SLC44A1: variants seen among roughly 807,000 people sequenced by gnomAD.
SLC44A1 encodes the protein solute carrier family 44 member 1.
SLC44A1 carries 26 observed loss-of-function variants against 79.3 expected under a neutral mutation model. The observed-to-expected ratio is 0.33, with a 90% CI of 0.24 to 0.46. SLC44A1 has a LOEUF of 0.46. SLC44A1 is among the 20% of genes least tolerant of loss of function. The probability of loss-of-function intolerance (pLI) is 1.00; values close to 1 mark genes in which losing one functional copy is unlikely to be tolerated. For synonymous variants in SLC44A1, 263 were observed against 286.2 expected, an observed-to-expected ratio of 0.92 and a Z score of 0.82; for missense variants, 688 against 798.1, an observed-to-expected ratio of 0.86 and a Z score of 1.66.
intron 4 of SLC44A1, among the ~76,000 whole-genome samples, chr9:105,344,466 G>T (rs1282391090): frequency 6.6e-6 from 1 of 152,118 alleles, no homozygotes; most frequent in Non-Finnish European, 1.5e-5. Flanking sequence ...TAAACATCTT[G>T]CAATGCACAG....
chr9:105,424,859 A>T (rs907956156), intron 15 of SLC44A1, among the ~76,000 whole-genome samples: 1 of 151,454 alleles, frequency 6.6e-6, no homozygotes, highest in Non-Finnish European at 1.5e-5. Flanking sequence ...AGGCAGGAGA[A>T]TTGCTTGAAC....
chr9:105,278,347 C>G (rs1290885330), intron 1 of SLC44A1, among the ~76,000 whole-genome samples: 1 of 152,174 alleles, frequency 6.6e-6, no homozygotes, highest in Admixed American at 6.5e-5. Flanking sequence ...CTCCCGGGTT[C>G]ACACCATTCT....
chr9:105,259,627 C>T (rs1184352104), intron 1 of SLC44A1, among the ~76,000 whole-genome samples: 1 of 152,192 alleles, frequency 6.6e-6, no homozygotes, highest in Non-Finnish European at 1.5e-5. Flanking sequence ...ATCTATTTTG[C>T]ATGTGGTTTT....
chr9:105,383,362 A>G lies in SLC44A1; in HGVS notation c.1869+3A>G. On this transcript the variant is annotated splice_donor_region_variant and intron_variant, in intron 14 of 15. Transcript: ENST00000374720. ...TCTATATGGATAAAGTGCTGATGGTAAGTACTTCAAATGCCGTTTCCTATT... is the reference window on the plus strand; with the variant it reads ...TCTATATGGATAAAGTGCTGATGGTGAGTACTTCAAATGCCGTTTCCTATT... 1.3e-6 allele frequency: 2 copies of G among 1,483,418 alleles called. No homozygotes were observed. Among genetic ancestry groups the G allele is most frequent in the Non-Finnish European group, 1.9e-6 (2 of 1,060,990 alleles). 91.9% of individuals were successfully genotyped at this position (1,483,418 alleles called of 1,614,324 possible).
chr9:105,292,006 C>T (rs1207454405), intron 1 of SLC44A1, among the ~76,000 whole-genome samples: 1 of 152,164 alleles, frequency 6.6e-6, no homozygotes, highest in African/African-American at 2.4e-5. Context: ...TGTGAAATGG[C>T]AGCCCAAATG....
At chr9:105,354,432 A>G (rs578169027) in intron 5 of SLC44A1, among the ~76,000 whole-genome samples, 1 of 152,296 alleles carries the variant, frequency 6.6e-6, no homozygotes, top group South Asian at 2.1e-4. Flanking sequence ...ATCTTTTTGC[A>G]TCATTAGTGA....
chr9:105,274,492 C>T (rs1830154919), intron 1 of SLC44A1, among the ~76,000 whole-genome samples: 1 of 152,166 alleles, frequency 6.6e-6, no homozygotes, highest in Non-Finnish European at 1.5e-5. Flanking sequence ...AAGAAGCCTT[C>T]CTCTTCAGTC....
Position 105,322,653 on chromosome 9 carries a change from A to G in SLC44A1, c.269+12787A>G, listed in dbSNP as rs140461229. Among the ~76,000 whole-genome samples the G allele has an allele frequency of 2.6e-5, 4 of 152,320 alleles. No homozygotes were observed. In the East Asian group the frequency reaches 5.8e-4, roughly 22 times the overall value. On this transcript the variant is annotated intron_variant, in intron 3 of 15. Transcript: ENST00000374720. ...GAACAGTGATTGGAACAAAATAGAAACAGCAGAAATAAATACTGTGAAAGT... is the reference window on the plus strand; with the variant it reads ...GAACAGTGATTGGAACAAAATAGAAGCAGCAGAAATAAATACTGTGAAAGT...
intron 3 of SLC44A1, among the ~76,000 whole-genome samples, chr9:105,316,070 T>C (rs1831316117): frequency 6.6e-6 from 1 of 152,250 alleles, no homozygotes; most frequent in South Asian, 2.1e-4. Flanking sequence ...GTGAACTCTG[T>C]TTCCTGGCCA....
In SLC44A1 at chr9:105,383,176, G is replaced by T. The variant is rs1416287926; in HGVS notation, c.1686G>T (p.Gln562His). 1.2e-6 allele frequency: 2 copies of T among 1,614,048 alleles called. No homozygotes were observed. The highest frequency in any genetic ancestry group is 2.7e-5 in the African/African-American group (2 of 74,922). Residue 562 changes from glutamine to histidine, a missense_variant, in exon 14 of 16, where the codon CAG becomes CAT. Gln to His is a conservative substitution (Grantham distance 24). Transcript: ENST00000374720. ...CTGGGATTATGCTGCTCAACTACCA[G>T]CAGGACTACACAGTATGGGTGCTGC... The part of the protein sequence containing the change: ...GLAGIMLLNY[Q>H]QDYTVWVLPL...
chr9:105,420,795 A>G (rs1209271903), intron 15 of SLC44A1, among the ~76,000 whole-genome samples: 4 of 133,736 alleles, frequency 3.0e-5, no homozygotes, highest in Admixed American at 2.7e-4. Context: ...CGGGAGGCGG[A>G]GGTTGCAGTG....
In SLC44A1 at chr9:105,391,567, T is replaced by C. The variant is rs569780438; in HGVS notation, c.*2511T>C. The C allele has an allele frequency of 3.0e-6, 3 of 985,330 alleles. No homozygotes were observed. Among genetic ancestry groups the C allele is most frequent in the East Asian group, 2.3e-4 (2 of 8,816 alleles). 61.0% of individuals were successfully genotyped at this position (985,330 alleles called of 1,614,324 possible). On this transcript the variant is annotated 3_prime_UTR_variant, in exon 16 of 16. Transcript: ENST00000374720. ...ATTTAATATGTGGAATATCACTCTT[T>C]CATGAGCTTTATTCCTTGATTAATT...
Position 105,348,589 on chromosome 9 carries a change from G to A in SLC44A1, c.500+138G>A, listed in dbSNP as rs895115310. The A allele has an allele frequency of 3.1e-5, 17 of 541,816 alleles. No homozygotes were observed. In the African/African-American group the frequency reaches 3.2e-4, roughly 10 times the overall value. 33.6% of individuals were successfully genotyped at this position (541,816 alleles called of 1,614,324 possible). A position where few individuals can be genotyped will look rare whatever the true frequency, so the allele number is the denominator to read the frequency against. ...ATACTTTTATTAAAAAAATTTTAAAGTAGCAATAGAAATGACATTATATAT... is the reference window on the plus strand; with the variant it reads ...ATACTTTTATTAAAAAAATTTTAAAATAGCAATAGAAATGACATTATATAT... On this transcript the variant is annotated intron_variant, in intron 5 of 15. Transcript: ENST00000374720.
intron 4 of SLC44A1, among the ~76,000 whole-genome samples, chr9:105,343,460 A>C (rs10991633): frequency 6.6e-6 from 1 of 152,222 alleles, no homozygotes; most frequent in African/African-American, 2.4e-5. Flanking sequence ...ATCAGTATCA[A>C]TAGATGATCA....
Position 105,396,873 on chromosome 9 carries a change from AT to A in SLC44A1, c.*7824del, listed in dbSNP as rs1828887164. The A allele has an allele frequency of 6.1e-6, 6 of 985,060 alleles. No homozygotes were observed. The South Asian group carries it at 2.3e-4, about 39-fold the overall frequency. 61.0% of individuals were successfully genotyped at this position (985,060 alleles called of 1,614,324 possible). ...ATCATTTACCTTACCATTATTTTGG[AT>A]TTTTTTCTTATTACAGTGTCACTAC... On this transcript the variant is annotated 3_prime_UTR_variant, in exon 16 of 16. Transcript: ENST00000374720.
chr9:105,380,541 G>A (rs191117191), intron 13 of SLC44A1, among the ~76,000 whole-genome samples: 56 of 151,516 alleles, frequency 3.7e-4, no homozygotes, highest in African/African-American at 1.3e-3. Flanking sequence ...GATCACAGTT[G>A]TTCAATATAT....
chr9:105,370,710 AGAG>A (rs1482658255), intron 12 of SLC44A1, among the ~76,000 whole-genome samples: 1 of 152,216 alleles, frequency 6.6e-6, no homozygotes, highest in African/African-American at 2.4e-5. Flanking sequence ...TGATGATAAC[AGAG>A]GAGAGAGAAT....
At chr9:105,429,374 C>T (rs1250917687) in intron 15 of SLC44A1, among the ~76,000 whole-genome samples, 3 of 152,212 alleles carry the variant, frequency 2.0e-5, no homozygotes, top group Admixed American at 1.3e-4. Context: ...ACGATCACAG[C>T]TCACCGCAAC....
At chr9:105,307,047 G>A (rs1403769142) in intron 2 of SLC44A1, among the ~76,000 whole-genome samples, 2 of 152,110 alleles carry the variant, frequency 1.3e-5, no homozygotes, top group Admixed American at 6.5e-5. Context: ...AGTTACTGTT[G>A]TTAACCTCTT....
Sources: gnomAD v4.1 joint callset for allele counts (sites outside exome capture counted in the v4.1 genomes callset) on GRCh38, gnomAD v4.1.1 for gene constraint, MANE v1.5 for transcripts, NCBI Gene and HGNC (gene_info 2026-07-23, HGNC 2026-07-21) for gene names.